RPS6KA2: variants seen among roughly 807,000 people sequenced by gnomAD.
RPS6KA2 encodes the protein ribosomal protein S6 kinase A2, also known as ribosomal protein S6 kinase alpha-2.
RPS6KA2 carries 42 observed loss-of-function variants against 91.8 expected under a neutral mutation model. The ratio of observed to expected loss-of-function variants is 0.46; its 90% CI spans 0.36 to 0.59. The LOEUF (loss-of-function observed/expected upper bound fraction) is 0.59, where lower values mean the gene tolerates loss of function less well. Among genes scored for constraint, RPS6KA2 ranks in the 20% least tolerant of loss-of-function variants. The probability of loss-of-function intolerance (pLI) is 0.00; values close to 1 mark genes in which losing one functional copy is unlikely to be tolerated. For missense variants in RPS6KA2, 798 were observed against 978.5 expected (o/e 0.82, Z 2.46); for synonymous variants, 414 against 393.6 (o/e 1.05, Z -0.61).
intron 3 of RPS6KA2, among the ~76,000 whole-genome samples, chr6:166,519,150 T>C (rs1782760728): frequency 6.6e-6 from 1 of 152,228 alleles, no homozygotes; most frequent in Non-Finnish European, 1.5e-5. Context: ...GGAGTTTTCA[T>C]TTCTAAGATC....
In RPS6KA2 at chr6:166,849,675, G is replaced by A. The variant is rs757657348; in HGVS notation, c.123+8525C>T. Among the ~76,000 whole-genome samples the A allele has an allele frequency of 1.5e-4, 23 of 152,274 alleles. No individual in the cohort carries two copies. Among genetic ancestry groups the A allele is most frequent in the East Asian group, 3.9e-4 (2 of 5,178 alleles). ...GGCATTTATTGGGCTAAATCCTCAC[G>A]TAGAATGAGCTTTCCCAACACAGGA... On this transcript the variant is annotated intron_variant, in intron 2 of 21. Transcript: ENST00000503859. This position sits in a 1 kb window ranked among gnomAD's most constrained non-coding sequence, Gnocchi z 4.9.
rs1282495212 is a variant in RPS6KA2, at chr6:166,500,210, T to C, written c.604+677A>G. Among the ~76,000 whole-genome samples, 1 of 152,234 alleles carries C rather than the reference T, an allele frequency of 6.6e-6. No individual in the cohort carries two copies. The highest frequency in any genetic ancestry group is 1.5e-5 in the Non-Finnish European group (1 of 68,034). On this transcript the variant is annotated intron_variant, in intron 7 of 20. Coordinates refer to ENST00000265678, the MANE Select transcript of RPS6KA2 (RefSeq NM_021135.6). The surrounding 1 kb of genome is among the most constrained non-coding windows in gnomAD (Gnocchi z 4.3). ...CTTGATTTCATTCCTGGGAGACTTA[T>C]TTCACACTTGGGGCCTCCTGACCTG...
At chr6:166,840,616 T>C (rs1429628040) in intron 2 of RPS6KA2, among the ~76,000 whole-genome samples, 1 of 152,208 alleles carries the variant, frequency 6.6e-6, no homozygotes, top group Non-Finnish European at 1.5e-5. Context: ...CAGTGAGTTG[T>C]GTCCTGAGCC....
rs73788301 is a variant in RPS6KA2 at position 166,424,969 on chromosome 6, A to T, written c.1582-1552T>A. On this transcript the variant is annotated intron_variant, in intron 16 of 20. Transcript: ENST00000265678. ...TTTGGAGCTGAAAACAACTGAAAAG[A>T]TGCAGATATAAGCAAAGCTCTCTGC... 3.5e-3 allele frequency among the ~76,000 whole-genome samples: 527 copies of T among 152,348 alleles called. 3 individuals are homozygous for T. Among genetic ancestry groups the T allele is most frequent in the African/African-American group, 0.012 (499 of 41,580 alleles).
chr6:166,463,327 T>C (rs556290571), intron 11 of RPS6KA2: 1 of 152,342 alleles, frequency 6.6e-6, no homozygotes, highest in South Asian at 2.1e-4. Flanking sequence ...CACCTGGGAT[T>C]CTGAGCTTAA....
intron 19 of RPS6KA2, among the ~76,000 whole-genome samples, chr6:166,414,733 C>T (rs1316756972): frequency 6.6e-6 from 1 of 152,216 alleles, no homozygotes; most frequent in Non-Finnish European, 1.5e-5. Flanking sequence ...TACCCTCCTT[C>T]CTTAGTGTTC....
chr6:166,773,237 G>A (rs920361174), intron 2 of RPS6KA2, among the ~76,000 whole-genome samples: 1 of 152,176 alleles, frequency 6.6e-6, no homozygotes. Context: ...GTTGGAGAAG[G>A]AGGCAGGGAA....
chr6:166,452,335 TG>T (rs1290291688), intron 12 of RPS6KA2, among the ~76,000 whole-genome samples: 2 of 151,986 alleles, frequency 1.3e-5, no homozygotes, highest in Non-Finnish European at 2.9e-5. Context: ...CGCAAACAAA[TG>T]GAAAAACATC....
At position 166,791,696 on chromosome 6, in the gene RPS6KA2, T is replaced by G. The variant is rs377555491; in HGVS notation, c.123+66504A>C. On this transcript the variant is annotated intron_variant, in intron 2 of 21. Coordinates refer to the RPS6KA2 transcript ENST00000503859. ...GACCACAGTGCAATCAAACTAGAACTCAGGATTAAAAAACTCACTCAAAAC... is the reference window on the plus strand; with the variant it reads ...GACCACAGTGCAATCAAACTAGAACGCAGGATTAAAAAACTCACTCAAAAC... 6.4e-3 allele frequency among the ~76,000 whole-genome samples: 965 copies of G among 149,952 alleles called. 12 individuals carry two copies. The highest frequency in any genetic ancestry group is 0.023 in the African/African-American group (902 of 39,374).
Position 166,495,013 on chromosome 6 carries a change from G to A in RPS6KA2, c.747+3495C>T, listed in dbSNP as rs1562533086. 6.6e-6 allele frequency among the ~76,000 whole-genome samples: 1 copy of A among 152,196 alleles called. No individual in the cohort carries two copies. The highest frequency in any genetic ancestry group is 6.5e-5 in the Admixed American group (1 of 15,282). On this transcript the variant is annotated intron_variant, in intron 8 of 20. Coordinates refer to ENST00000265678, the MANE Select transcript of RPS6KA2 (RefSeq NM_021135.6). The surrounding 1 kb of genome is among the most constrained non-coding windows in gnomAD (Gnocchi z 4.4). ...AGAAGTCACTTCTGATGCCACCCAC[G>A]GACGTGTGGGAAGCGTGGGGCCTCC...
intron 1 of RPS6KA2, among the ~76,000 whole-genome samples, chr6:166,560,717 T>C (rs1784317945): frequency 6.6e-6 from 1 of 152,126 alleles, no homozygotes; most frequent in South Asian, 2.1e-4. Context: ...GGGGGTGGCC[T>C]GGGCAGAGGA....
intron 10 of RPS6KA2, among the ~76,000 whole-genome samples, 166 bp downstream of exon 10, chr6:166,488,667 G>A (rs1228332909): frequency 6.6e-6 from 1 of 152,176 alleles, no homozygotes; most frequent in East Asian, 1.9e-4. Flanking sequence ...TTTTTTCCTG[G>A]AGCTCAGATG....
In RPS6KA2 at chr6:166,493,167, A is replaced by G. The variant is rs1253185827; in HGVS notation, c.748-2426T>C. ...CCAACCATCTACTCAGCCAGAGAACACCCAGCACAGCACCCATGAATATTC... is the reference window on the plus strand; with the variant it reads ...CCAACCATCTACTCAGCCAGAGAACGCCCAGCACAGCACCCATGAATATTC... On this transcript the variant is annotated intron_variant, in intron 8 of 20. Transcript: ENST00000265678. The surrounding 1 kb of genome is among the most constrained non-coding windows in gnomAD (Gnocchi z 4.7). Among the ~76,000 whole-genome samples, 2 of 151,944 alleles carry G rather than the reference A, an allele frequency of 1.3e-5. No homozygotes were observed. The highest frequency in any genetic ancestry group is 2.9e-5 in the Non-Finnish European group (2 of 67,970).
intron 1 of RPS6KA2, among the ~76,000 whole-genome samples, chr6:166,617,208 C>T (rs1159207291): frequency 6.6e-6 from 1 of 152,234 alleles, no homozygotes; most frequent in Non-Finnish European, 1.5e-5. Flanking sequence ...AAAACCTATT[C>T]TAGAAGCAAC....
chr6:166,824,966 C>A (rs1562458786), intron 2 of RPS6KA2, among the ~76,000 whole-genome samples: 1 of 152,234 alleles, frequency 6.6e-6, no homozygotes, highest in Non-Finnish European at 1.5e-5. Context: ...GCGTTCTGTG[C>A]TTCACCCTGT....
intron 2 of RPS6KA2, among the ~76,000 whole-genome samples, chr6:166,824,944 T>C (rs879831163): frequency 6.6e-6 from 1 of 152,206 alleles, no homozygotes; most frequent in Non-Finnish European, 1.5e-5. Context: ...ATCAGGACAG[T>C]TGCAGGCCAC....
chr6:166,715,167 C>A (rs2128581893), intron 2 of RPS6KA2, among the ~76,000 whole-genome samples: 1 of 152,376 alleles, frequency 6.6e-6, no homozygotes, highest in South Asian at 2.1e-4. Context: ...CCCCTCCAGG[C>A]AGCCCGAGGC....
chr6:166,675,737 ATTTG>A (rs1216567751), intron 2 of RPS6KA2, among the ~76,000 whole-genome samples: 1 of 151,840 alleles, frequency 6.6e-6, no homozygotes, highest in East Asian at 1.9e-4. Context: ...CTGTCCCAAT[ATTTG>A]TTTTTGTGTT....
chr6:166,573,034 G>A (rs1261748695), intron 1 of RPS6KA2, among the ~76,000 whole-genome samples: 3 of 152,352 alleles, frequency 2.0e-5, no homozygotes, highest in Admixed American at 2.0e-4. Flanking sequence ...CACACCATGA[G>A]GACAGTGTGC....
Sources: gnomAD v4.1 joint callset for allele counts (sites outside exome capture counted in the v4.1 genomes callset) on GRCh38, gnomAD v4.1.1 for gene constraint, Gnocchi (gnomAD v3.1) non-coding constraint, MANE v1.5 for transcripts, NCBI Gene and HGNC (gene_info 2026-07-23, HGNC 2026-07-21) for gene names.